PDE4D: variants seen among roughly 807,000 people sequenced by gnomAD.
PDE4D encodes the protein 3',5'-cyclic-AMP phosphodiesterase 4D.
In PDE4D, 24 loss-of-function variants were observed where a neutral mutation model predicts 87.4. The ratio of observed to expected loss-of-function variants is 0.27; its 90% CI spans 0.20 to 0.39. The LOEUF is 0.39. Among genes scored for constraint, PDE4D ranks in the 10% least tolerant of loss-of-function variants. PDE4D has a pLI of 1.00. For synonymous variants in PDE4D, 384 were observed against 383.2 expected (o/e 1.00, Z -0.02); for missense variants, 714 against 1,041.0 (o/e 0.69, Z 4.32).
chr5:60,059,406 A>G (rs1314686893), intron 2 of PDE4D, among the ~76,000 whole-genome samples: 1 of 152,044 alleles, frequency 6.6e-6, no homozygotes, highest in African/African-American at 2.4e-5. Flanking sequence ...TGTATTTACA[A>G]TCTTTCCCAT....
chr5:59,287,386 C>T (rs1039450203), intron 1 of PDE4D, among the ~76,000 whole-genome samples: 2 of 152,004 alleles, frequency 1.3e-5, no homozygotes, highest in African/African-American at 2.4e-5. Flanking sequence ...GGTGCCAGCT[C>T]ACCCACCGTA....
intron 1 of PDE4D, among the ~76,000 whole-genome samples, chr5:59,562,642 T>G (rs1820223933): frequency 6.6e-6 from 1 of 152,256 alleles, no homozygotes; most frequent in African/African-American, 2.4e-5. Flanking sequence ...ATTTCAAATA[T>G]GTTCACTTTA....
At chr5:59,387,069 G>A (rs779381430) in intron 1 of PDE4D, among the ~76,000 whole-genome samples, 14 of 152,094 alleles carry the variant, frequency 9.2e-5, no homozygotes, top group Admixed American at 6.6e-5. Context: ...GCTGAAATTT[G>A]TCCAAGCAAT....
intron 1 of PDE4D, among the ~76,000 whole-genome samples, chr5:59,339,639 G>A (rs146017266): frequency 1.3e-5 from 2 of 152,288 alleles, no homozygotes; most frequent in African/African-American, 4.8e-5. Context: ...GCAGGGACCA[G>A]TGTTCCATGG....
chr5:60,328,707 C>T (rs1757030049), intron 1 of PDE4D, among the ~76,000 whole-genome samples: 1 of 152,168 alleles, frequency 6.6e-6, no homozygotes, highest in Non-Finnish European at 1.5e-5. Flanking sequence ...CATAGGTAAG[C>T]ATATGTTCTG....
intron 1 of PDE4D, among the ~76,000 whole-genome samples, chr5:59,464,563 A>AT (rs1332545622): frequency 6.6e-6 from 1 of 152,160 alleles, no homozygotes; most frequent in Non-Finnish European, 1.5e-5. Flanking sequence ...TCTCAGAGAA[A>AT]CACCCACGAA....
At position 59,203,530 on chromosome 5, in the gene PDE4D, T is replaced by C. The variant is rs1002479158; in HGVS notation, c.648-9994A>G. On this transcript the variant is annotated intron_variant, in intron 2 of 14. Coordinates refer to ENST00000340635, the MANE Select transcript of PDE4D (RefSeq NM_001104631.2). ...GAAATCAGTATGTCAAAGAGATACC[T>C]GCACTCCCATGTTTGGTGCAGCATT... Among the ~76,000 whole-genome samples, 3 of 152,152 alleles carry C rather than the reference T, an allele frequency of 2.0e-5. 1 individual carries two copies. Among genetic ancestry groups the C allele is most frequent in the South Asian group, 4.1e-4 (2 of 4,826 alleles).
At chr5:59,821,409 C>T (rs1286961758) in intron 1 of PDE4D, among the ~76,000 whole-genome samples, 1 of 152,138 alleles carries the variant, frequency 6.6e-6, no homozygotes, top group African/African-American at 2.4e-5. Flanking sequence ...TTTAAAATAT[C>T]TCATTTTTAA....
chr5:59,990,674 A>T (rs1762919518), intron 2 of PDE4D, among the ~76,000 whole-genome samples: 2 of 152,224 alleles, frequency 1.3e-5, no homozygotes, highest in South Asian at 4.1e-4. Context: ...CTGAGTCTTT[A>T]TTAAGTAGTG....
intron 2 of PDE4D, among the ~76,000 whole-genome samples, chr5:60,123,507 C>G (rs957896368): frequency 1.4e-4 from 21 of 152,084 alleles, no homozygotes; most frequent in African/African-American, 4.3e-4. Flanking sequence ...CACTTATTCA[C>G]TACCATGAGA....
chr5:59,871,775 CTTAG>C (rs1425835568), intron 1 of PDE4D, among the ~76,000 whole-genome samples: 1 of 152,280 alleles, frequency 6.6e-6, no homozygotes, highest in African/African-American at 2.4e-5. Flanking sequence ...TCAAACTCAT[CTTAG>C]TTAAAGGCAA....
chr5:60,491,203 G>T (rs1236153589), upstream of PDE4D: 1 of 152,062 alleles, frequency 6.6e-6, no homozygotes, highest in Non-Finnish European at 1.5e-5. Context: ...CAGCAAGAAG[G>T]CCTGCCTCAT....
Position 59,183,865 on chromosome 5 carries a change from T to C in PDE4D, c.758+1324A>G, listed in dbSNP as rs577986008. 9.1e-4 allele frequency among the ~76,000 whole-genome samples: 139 copies of C among 152,302 alleles called. 3 individuals are homozygous for C. The highest frequency in any genetic ancestry group is 3.3e-3 in the African/African-American group (137 of 41,574). On this transcript the variant is annotated intron_variant, in intron 4 of 14. Coordinates refer to ENST00000340635, the MANE Select transcript of PDE4D (RefSeq NM_001104631.2). ...TCTGCATTATGCTAGGCACAGGGAA[T>C]ACAAATGTGAACCGACTACATTCCT...
intron 1 of PDE4D, among the ~76,000 whole-genome samples, chr5:60,493,762 A>G (rs1357220138): frequency 6.6e-6 from 1 of 152,112 alleles, no homozygotes; most frequent in African/African-American, 2.4e-5. Context: ...AGCCCCTCTG[A>G]CTGCACACCC....
At chr5:59,030,823 T>C (rs1229569388) in intron 6 of PDE4D, among the ~76,000 whole-genome samples, 1 of 152,214 alleles carries the variant, frequency 6.6e-6, no homozygotes, top group African/African-American at 2.4e-5. Context: ...TTAGAATGAC[T>C]ATTTTCCTTT....
chr5:58,991,848 T>C lies in PDE4D; in HGVS notation c.1172A>G (p.Glu391Gly). 2.0e-6 allele frequency: 3 copies of C among 1,510,018 alleles called. No homozygotes were observed. The highest frequency in any genetic ancestry group is 2.7e-6 in the Non-Finnish European group (3 of 1,131,544). 93.5% of individuals were successfully genotyped at this position (1,510,018 alleles called of 1,614,324 possible). A position where few individuals can be genotyped will look rare whatever the true frequency, so the allele number is the denominator to read the frequency against. Residue 391 changes from glutamate to glycine, a missense_variant, in exon 8 of 15, where the codon GAA becomes GGA. Coordinates refer to ENST00000340635, the MANE Select transcript of PDE4D (RefSeq NM_001104631.2). ...TCATCATACCTTGGCAAGGACATCTTCTTGTTCAGTTTTAACTCCAAACCT... is the reference window on the plus strand; with the variant it reads ...TCATCATACCTTGGCAAGGACATCTCCTTGTTCAGTTTTAACTCCAAACCT... ...IPRFGVKTEQ[E>G]DVLAKELEDV...
chr5:60,127,960 G>A (rs1177625653), intron 2 of PDE4D, among the ~76,000 whole-genome samples: 1 of 152,088 alleles, frequency 6.6e-6, no homozygotes, highest in Non-Finnish European at 1.5e-5. Flanking sequence ...AGATAAAGAA[G>A]GAGAAGCCAG....
intron 2 of PDE4D, among the ~76,000 whole-genome samples, chr5:60,090,585 A>G (rs940296995): frequency 6.6e-6 from 1 of 152,188 alleles, no homozygotes; most frequent in Non-Finnish European, 1.5e-5. Flanking sequence ...CTGAATGGGG[A>G]AAAATGGAAA....
At position 60,423,171 on chromosome 5, in the gene PDE4D, A is replaced by T. The variant is rs375987907; in HGVS notation, c.-90+64771T>A. Reference sequence around the variant, plus strand: ...GTTAACAAGGAAATCCAGGACTTGAACTCAGCTCCGCAACAAGCGGGCCTA... The same window carrying T: ...GTTAACAAGGAAATCCAGGACTTGATCTCAGCTCCGCAACAAGCGGGCCTA... On this transcript the variant is annotated intron_variant, in intron 1 of 16. Coordinates refer to the PDE4D transcript ENST00000502484. 1.1e-4 allele frequency among the ~76,000 whole-genome samples: 17 copies of T among 152,350 alleles called. No homozygotes were observed. In the South Asian group the frequency reaches 3.3e-3, roughly 30 times the overall value.
Sources: gnomAD v4.1 joint callset for allele counts (sites outside exome capture counted in the v4.1 genomes callset) on GRCh38, gnomAD v4.1.1 for gene constraint, MANE v1.5 for transcripts, NCBI Gene and HGNC (gene_info 2026-07-23, HGNC 2026-07-21) for gene names.